Variants in G6PC2 observed in about 807,000 individuals in gnomAD.
The protein encoded by G6PC2 is glucose-6-phosphatase catalytic subunit 2, also known as glucose-6-phosphatase 2.
Under a neutral mutation model 35.4 loss-of-function variants are expected in G6PC2, and 41 were observed. The ratio of observed to expected loss-of-function variants is 1.16; its 90% CI spans 0.90 to 1.50. The LOEUF (loss-of-function observed/expected upper bound fraction) is 1.50. Among genes scored for constraint, G6PC2 ranks in the 40% most tolerant of loss-of-function variants. The probability of loss-of-function intolerance (pLI) is 0.00; values close to 1 mark genes in which losing one functional copy is unlikely to be tolerated. For missense variants in G6PC2, 441 were observed against 426.5 expected, an observed-to-expected ratio of 1.03 and a Z score of -0.30; for synonymous variants, 165 against 153.2, an observed-to-expected ratio of 1.08 and a Z score of -0.57.
Position 168,908,065 on chromosome 2 carries a change from A to C in G6PC2, c.1054A>C (p.Lys352Gln). 1 of 1,613,364 alleles carries C rather than the reference A, an allele frequency of 6.2e-7. No homozygotes were observed. The highest frequency in any genetic ancestry group is 8.5e-7 in the Non-Finnish European group (1 of 1,179,652). ...TCATATGTTAATGAAACAAAGCGGA[A>C]AGAAGAGTCAGTAGAGTGGTGCCTA... ...SVHMLMKQSGKKSQ is the reference protein window; with the variant it reads ...SVHMLMKQSGQKSQ Residue 352 changes from lysine to glutamine, a missense_variant, in exon 5 of 5, where the codon AAG (lysine) becomes CAG (glutamine). Transcript: ENST00000375363.
At position 168,904,534 on chromosome 2, in the gene G6PC2, T is replaced by A; in HGVS notation, c.358T>A (p.Ser120Thr). 1 of 1,611,584 alleles carries A rather than the reference T, an allele frequency of 6.2e-7. No individual in the cohort carries two copies. Among genetic ancestry groups the A allele is most frequent in the Non-Finnish European group, 8.5e-7 (1 of 1,177,658 alleles). The change falls in exon 3 of 5, where the codon TCC (serine) becomes ACC (threonine). Residue 120 changes from serine to threonine, a missense_variant. Physicochemically the swap from Ser to Thr is moderately conservative, Grantham distance 58 (BLOSUM62 1). Coordinates refer to ENST00000375363, the MANE Select transcript of G6PC2 (RefSeq NM_021176.3). ...GSPSGHAMGASCVWYVMVTAA... is the reference protein window; with the variant it reads ...GSPSGHAMGATCVWYVMVTAA... ...TCCATCTGGCCATGCAATGGGCGCA[T>A]CCTGTGTCTGGTATGTCATGGTAAC... is the stretch of plus-strand genomic sequence containing the variant.
In G6PC2 at chr2:168,907,918, A is replaced by G; in HGVS notation, c.907A>G (p.Ile303Val). ...RLLCALTSLTILQLYHFLQIP... is the reference protein window; with the variant it reads ...RLLCALTSLTVLQLYHFLQIP... ...GCTCTGTGCCTTGACCTCATTGACA[A>G]TACTGCAGCTCTACCATTTCCTCCA... is the stretch of plus-strand genomic sequence containing the variant. Residue 303 changes from isoleucine (I) to valine (V), a missense_variant, in exon 5 of 5, where the codon ATA becomes GTA. Physicochemically the swap from Ile to Val is conservative, Grantham distance 29 (BLOSUM62 3). Transcript: ENST00000375363. 1 of 1,614,086 alleles carries G rather than the reference A, an allele frequency of 6.2e-7. No individual in the cohort carries two copies. The highest frequency in any genetic ancestry group is 1.7e-5 in the Admixed American group (1 of 60,016).
At chr2:168,904,675 C>T in intron 3 of G6PC2, 59 bp downstream of exon 3, 3 of 926,340 alleles carry the variant, frequency 3.2e-6, no homozygotes, top group Non-Finnish European at 5.4e-6. Flanking sequence ...TACAGAAAGT[C>T]TTGTCTAAAA....
chr2:168,905,654 C>A (rs1161037373), intron 3 of G6PC2, among the ~76,000 whole-genome samples: 5 of 152,112 alleles, frequency 3.3e-5, no homozygotes, highest in African/African-American at 7.2e-5. Context: ...TGTATTCCTG[C>A]CTCCAATGAC....
In G6PC2 at chr2:168,908,950, A is replaced by G. The variant is rs1238950752; in HGVS notation, c.*871A>G. ...CAAGGAGTTCCCTTGAGGATGTTCC[A>G]CCCATGTCAGCCTCCCACAGTGCTG... On this transcript the variant is annotated 3_prime_UTR_variant, in exon 5 of 5. Transcript: ENST00000375363. The G allele has an allele frequency of 6.6e-6, 1 of 152,052 alleles. No homozygotes were observed. The highest frequency in any genetic ancestry group is 2.4e-5 in the African/African-American group (1 of 41,386). 9.4% of individuals were successfully genotyped at this position (152,052 alleles called of 1,614,324 possible).
rs567243 is a variant in G6PC2, at chr2:168,909,227, A to G, written c.*1148A>G. 0.5 allele frequency: 76,521 copies of G among 151,966 alleles called. 19,700 individuals are homozygous for G. The highest frequency in any genetic ancestry group is 0.61 in the South Asian group (2,922 of 4,808). The allele number at this position is 151,966 out of a possible 1,614,324, so 9.4% of individuals were successfully genotyped here. ...GATGTATATACACACGGGTCCAGGG[A>G]CAACAGAACAGGCCAGGCTACAGTA... On this transcript the variant is annotated 3_prime_UTR_variant, in exon 5 of 5. Coordinates refer to ENST00000375363, the MANE Select transcript of G6PC2 (RefSeq NM_021176.3).
chr2:168,903,427 A>T (rs935632499), intron 2 of G6PC2, among the ~76,000 whole-genome samples: 2 of 152,198 alleles, frequency 1.3e-5, no homozygotes, highest in Non-Finnish European at 2.9e-5. Context: ...CTAATTCTTT[A>T]TATATCCGAT....
chr2:168,905,512 G>C (rs1157459924), intron 3 of G6PC2, among the ~76,000 whole-genome samples: 1 of 152,120 alleles, frequency 6.6e-6, no homozygotes, highest in Admixed American at 6.5e-5. Flanking sequence ...TGACCTGTAT[G>C]CCTTAATGTA....
At position 168,902,556 on chromosome 2, in the gene G6PC2, T is replaced by A; in HGVS notation, c.328+2T>A. The A allele has an allele frequency of 8.1e-7, 1 of 1,238,956 alleles. No homozygotes were observed. The highest frequency in any genetic ancestry group is 1.2e-6 in the Non-Finnish European group (1 of 837,184). 76.7% of individuals were successfully genotyped at this position (1,238,956 alleles called of 1,614,324 possible). ...CTACTACATGTGAAACAGGTCCAGG[T>A]AAGCTATTACAGCAGGCTCCAGTTA... On this transcript the variant is annotated splice_donor_variant, in intron 2 of 4. Coordinates refer to ENST00000375363, the MANE Select transcript of G6PC2 (RefSeq NM_021176.3). LOFTEE classifies it high-confidence loss of function.
rs541789966 is a variant in G6PC2, at chr2:168,909,453, T to G, written c.*1374T>G. ...AAATCAGGTGCCTTCCTCAAGGTCA[T>G]GCTCCAACCCAGGCCAACTATTAAA... On this transcript the variant is annotated 3_prime_UTR_variant, in exon 5 of 5. Transcript: ENST00000375363. The G allele has an allele frequency of 1.3e-5, 2 of 152,376 alleles. No individual in the cohort carries two copies. The highest frequency in any genetic ancestry group is 3.9e-4 in the East Asian group (2 of 5,192). The allele number at this position is 152,376 out of a possible 1,614,324, so 9.4% of individuals were successfully genotyped here.
At chr2:168,905,431 G>T (rs886773290) in intron 3 of G6PC2, among the ~76,000 whole-genome samples, 1 of 152,154 alleles carries the variant, frequency 6.6e-6, no homozygotes, top group African/African-American at 2.4e-5. Context: ...TGTTAGAGTA[G>T]TATTGGATAA....
At chr2:168,906,060 C>T (rs1690701994) in intron 3 of G6PC2, among the ~76,000 whole-genome samples, 1 of 120,370 alleles carries the variant, frequency 8.3e-6, no homozygotes. Context: ...CCCCTGTTCT[C>T]TATTTTCTGT....
rs370478326 is a variant in G6PC2, at chr2:168,906,793, C to G, written c.556+14C>G. On this transcript the variant is annotated intron_variant, in intron 4 of 4. Transcript: ENST00000375363. The stretch of plus-strand genomic sequence containing the variant: ...GAGTAATTGGTGGTAAATATGATCA[C>G]TTACCTTTAGCTGTGTCCTTTGAAA... The G allele has an allele frequency of 6.8e-6, 8 of 1,177,636 alleles. No individual in the cohort carries two copies. Among genetic ancestry groups the G allele is most frequent in the Admixed American group, 1.7e-5 (1 of 59,526 alleles). The allele number at this position is 1,177,636 out of a possible 1,614,324, so 72.9% of individuals were successfully genotyped here.
intron 4 of G6PC2, 51 bp downstream of exon 4, chr2:168,906,830 A>G (rs1322610353): frequency 8.6e-6 from 8 of 929,188 alleles, no homozygotes; most frequent in Non-Finnish European, 9.0e-6. Flanking sequence ...CTTTAGTTTC[A>G]TTATGTTTAA....
At chr2:168,901,790 G>A (rs755904666) in intron 1 of G6PC2, among the ~76,000 whole-genome samples, 13 of 149,812 alleles carry the variant, frequency 8.7e-5, no homozygotes, top group Non-Finnish European at 1.8e-4. Flanking sequence ...AGGATGGAGT[G>A]CAATGGCGTG....
chr2:168,907,724 T>C lies in G6PC2; in HGVS notation c.713T>C (p.Ile238Thr), dbSNP rs777014914. 11 of 1,613,992 alleles carry C rather than the reference T, an allele frequency of 6.8e-6. No individual in the cohort carries two copies. In the Admixed American group the frequency reaches 1.3e-4, roughly 20 times the overall value. Residue 238 changes from isoleucine to threonine, a missense_variant, in exon 5 of 5, where the codon ATA (isoleucine) becomes ACA (threonine). Transcript: ENST00000375363. The stretch of plus-strand genomic sequence containing the variant: ...ATTGACCTGCTGTGGTCCGTGCCCA[T>C]AGCCAAAAAGTGGTGTGCTAACCCC... ...LNIDLLWSVP[I>T]AKKWCANPDW...
intron 3 of G6PC2, among the ~76,000 whole-genome samples, chr2:168,906,126 A>C (rs76518646): frequency 4.0e-5 from 6 of 151,646 alleles, no homozygotes; most frequent in African/African-American, 1.4e-4. Context: ...AAAAAAAAAA[A>C]ACAAGAAACA....
chr2:168,904,680 C>A, intron 3 of G6PC2, 64 bp downstream of exon 3: 1 of 903,500 alleles, frequency 1.1e-6, no homozygotes, highest in Non-Finnish European at 1.9e-6. Flanking sequence ...AAAGTCTTGT[C>A]TAAAAATTAA....
Position 168,902,505 on chromosome 2 carries a change from C to A in G6PC2, c.279C>A (p.His93Gln). The A allele has an allele frequency of 1.3e-6, 2 of 1,588,630 alleles. No homozygotes were observed. The highest frequency in any genetic ancestry group is 1.7e-6 in the Non-Finnish European group (2 of 1,156,758). ...WVQETQIYPNHSSPCLEQFPT... is the reference protein window; with the variant it reads ...WVQETQIYPNQSSPCLEQFPT... ...AAGAAACTCAGATTTACCCAAATCA[C>A]TCAAGTCCATGCCTTGAACAGTTCC... Residue 93 changes from histidine to glutamine, a missense_variant, in exon 2 of 5, where the codon CAC (histidine) becomes CAA (glutamine). His to Gln is a conservative substitution (Grantham distance 24). Transcript: ENST00000375363.
Sources: allele counts gnomAD v4.1 joint callset (sites outside exome capture counted in the v4.1 genomes callset), GRCh38; gene constraint gnomAD v4.1.1; transcripts MANE v1.5; gene names NCBI Gene and HGNC (gene_info 2026-07-23, HGNC 2026-07-21).